BFSP2: variants seen among roughly 807,000 people sequenced by gnomAD.
BFSP2 encodes phakinin.
A neutral mutation model predicts 44.9 loss-of-function variants in BFSP2; 38 were observed. The ratio of observed to expected loss-of-function variants is 0.85; its 90% confidence interval spans 0.65 to 1.11. BFSP2 has a LOEUF of 1.11. BFSP2 is among the 50% of genes least tolerant of loss of function. BFSP2 has a pLI of 0.00. For synonymous variants in BFSP2, 197 were observed against 209.9 expected, an observed-to-expected ratio of 0.94 and a Z score of 0.53; for missense variants, 525 against 533.0, an observed-to-expected ratio of 0.99 and a Z score of 0.15.
chr3:133,416,141 C>T (rs76787466), intron 1 of BFSP2, among the ~76,000 whole-genome samples: 1,735 of 142,308 alleles, frequency 0.012, 11 homozygotes, highest in Non-Finnish European at 0.016. Flanking sequence ...CTCACCCCTG[C>T]CCTCCCCCTT....
Position 133,447,438 on chromosome 3 carries a change from C to G in BFSP2, c.572+39C>G, listed in dbSNP as rs751770691. 24 of 1,585,662 alleles carry G rather than the reference C, an allele frequency of 1.5e-5. No individual in the cohort carries two copies. In the South Asian group the frequency reaches 2.7e-4, roughly 18 times the overall value. On this transcript the variant is annotated intron_variant, in intron 2 of 6. Coordinates refer to ENST00000302334, the MANE Select transcript of BFSP2 (RefSeq NM_003571.4). ...GCAGAGGCGACAGTCCCTCCACATC[C>G]CTAGACTCCTAGGCAAGTGTGGATA...
In BFSP2 at chr3:133,400,712, A is replaced by G. The variant is rs1275742688; in HGVS notation, c.489+140A>G. The G allele has an allele frequency of 7.3e-7, 1 of 1,366,980 alleles. No individual in the cohort carries two copies. The highest frequency in any genetic ancestry group is 9.9e-7 in the Non-Finnish European group (1 of 1,006,444). 84.7% of individuals were successfully genotyped at this position (1,366,980 alleles called of 1,614,324 possible). A position where few individuals can be genotyped will look rare whatever the true frequency, so the allele number is the denominator to read the frequency against. On this transcript the variant is annotated intron_variant, in intron 1 of 6. Transcript: ENST00000302334. The surrounding 1 kb of genome is among the most constrained non-coding windows in gnomAD (Gnocchi z 4.0). ...CTTTCACACTTAAAATGGTAATGAT[A>G]ACAACAATGCTACCTTTTACCGAGG...
chr3:133,436,664 G>T (rs149461666), intron 1 of BFSP2, among the ~76,000 whole-genome samples: 8,504 of 152,250 alleles, frequency 0.056, 800 homozygotes, highest in African/African-American at 0.2. Flanking sequence ...GTGCAGGTTT[G>T]TTACATATGT....
At chr3:133,447,510 C>A in intron 2 of BFSP2, 111 bp downstream of exon 2, 2 of 1,129,388 alleles carry the variant, frequency 1.8e-6, no homozygotes, top group Non-Finnish European at 2.6e-6. Flanking sequence ...TCAGGGGAAG[C>A]TGGCAGGATA....
chr3:133,404,689 A>T (rs925456072), intron 1 of BFSP2, among the ~76,000 whole-genome samples: 1 of 152,178 alleles, frequency 6.6e-6, no homozygotes, highest in Non-Finnish European at 1.5e-5. Flanking sequence ...AGAAAGGAAA[A>T]AGCATTATAT....
Position 133,400,183 on chromosome 3 carries a change from T to A in BFSP2, c.100T>A (p.Ser34Thr). The A allele has an allele frequency of 6.2e-7, 1 of 1,614,020 alleles. No homozygotes were observed. The highest frequency in any genetic ancestry group is 8.5e-7 in the Non-Finnish European group (1 of 1,180,010). The change falls in exon 1 of 7, where the codon TCC (serine) becomes ACC (threonine). Residue 34 changes from serine to threonine, a missense_variant. Coordinates refer to ENST00000302334, the MANE Select transcript of BFSP2 (RefSeq NM_003571.4). The surrounding 1 kb of genome is among the most constrained non-coding windows in gnomAD (Gnocchi z 4.0). The part of the protein sequence containing the change: ...RASFRGPRSS[S>T]SLESPPASRT... ...GTCCTTCAGGGGGCCACGGTCATCA[T>A]CCTCCCTGGAGAGCCCCCCAGCCTC...
intron 6 of BFSP2, among the ~76,000 whole-genome samples, chr3:133,473,207 C>A (rs1180750002): frequency 6.6e-6 from 1 of 152,092 alleles, no homozygotes; most frequent in African/African-American, 2.4e-5. Context: ...ACAGACTACA[C>A]TCTGAGTAGC....
chr3:133,406,114 C>CTTT (rs1448678799), intron 1 of BFSP2, among the ~76,000 whole-genome samples: 1 of 117,742 alleles, frequency 8.5e-6, no homozygotes, highest in African/African-American at 2.8e-5. Context: ...CCATATCCAG[C>CTTT]TATTTTTTTT....
intron 1 of BFSP2, among the ~76,000 whole-genome samples, chr3:133,426,201 C>T (rs560292565): frequency 2.0e-5 from 3 of 151,822 alleles, no homozygotes; most frequent in African/African-American, 7.3e-5. Context: ...TTCAGTTGAC[C>T]GCCTGTGACC....
At chr3:133,453,206 T>C (rs907193191) in intron 4 of BFSP2, among the ~76,000 whole-genome samples, 2 of 152,244 alleles carry the variant, frequency 1.3e-5, no homozygotes. Context: ...TCAGTTGCAG[T>C]TGTGCCCTCA....
chr3:133,453,751 T>C (rs1334915786), intron 4 of BFSP2, among the ~76,000 whole-genome samples: 1 of 152,174 alleles, frequency 6.6e-6, no homozygotes, highest in Non-Finnish European at 1.5e-5. Flanking sequence ...AGGAGAGCAC[T>C]AAACTGCGAA....
At chr3:133,471,557 T>A (rs1267485946) in intron 5 of BFSP2, among the ~76,000 whole-genome samples, 1 of 152,088 alleles carries the variant, frequency 6.6e-6, no homozygotes, top group East Asian at 1.9e-4. Flanking sequence ...CAGTAAGAAG[T>A]TCAGTGGCAG....
At position 133,424,212 on chromosome 3, in the gene BFSP2, A is replaced by ATTT. The variant is rs112772093; in HGVS notation, c.490-23078_490-23076dup. The stretch of plus-strand genomic sequence containing the variant: ...AGGCGCCTACCACCGCGTCCAGCTA[A>ATTT]TTTTTTTTTTTTTTTTTTTTTTTTT... On this transcript the variant is annotated intron_variant, in intron 1 of 6. Coordinates refer to ENST00000302334, the MANE Select transcript of BFSP2 (RefSeq NM_003571.4). 7.3e-4 allele frequency among the ~76,000 whole-genome samples: 47 copies of ATTT among 64,712 alleles called. No homozygotes were observed. In the East Asian group the frequency reaches 0.041, roughly 57 times the overall value. 42.5% of individuals were successfully genotyped at this position (64,712 alleles called of 152,430 possible). A position where few individuals can be genotyped will look rare whatever the true frequency, so the allele number is the denominator to read the frequency against.
intron 1 of BFSP2, among the ~76,000 whole-genome samples, chr3:133,401,748 C>T (rs964780444): frequency 8.5e-5 from 13 of 152,188 alleles, no homozygotes; most frequent in Non-Finnish European, 1.5e-4. Flanking sequence ...GACCCTTGGC[C>T]CCCTGGAGTC....
chr3:133,469,737 T>C (rs1319813705), intron 5 of BFSP2, among the ~76,000 whole-genome samples: 1 of 152,204 alleles, frequency 6.6e-6, no homozygotes, highest in Admixed American at 6.5e-5. Flanking sequence ...AGGCATCCTC[T>C]CTTTCTGCCA....
chr3:133,419,083 A>G (rs771963757), intron 1 of BFSP2, among the ~76,000 whole-genome samples: 10 of 151,990 alleles, frequency 6.6e-5, no homozygotes, highest in South Asian at 2.1e-4. Context: ...TCCTTGGCTC[A>G]TGGAAGGGCA....
intron 1 of BFSP2, among the ~76,000 whole-genome samples, chr3:133,420,950 A>T (rs1201443752): frequency 6.6e-6 from 1 of 152,172 alleles, no homozygotes; most frequent in Non-Finnish European, 1.5e-5. Flanking sequence ...TCCTTCCCAC[A>T]AGAGAGGCCC....
intron 1 of BFSP2, among the ~76,000 whole-genome samples, chr3:133,430,550 A>G (rs1004558220): frequency 3.9e-5 from 6 of 152,188 alleles, no homozygotes; most frequent in Non-Finnish European, 7.3e-5. Context: ...CAGTAGTTCC[A>G]AATAGCCAGA....
chr3:133,401,281 G>A (rs987530665), intron 1 of BFSP2, among the ~76,000 whole-genome samples: 14 of 152,300 alleles, frequency 9.2e-5, no homozygotes, highest in African/African-American at 1.7e-4. Flanking sequence ...AGCTTTCTGC[G>A]TGATGGAAAT....
Sources: gnomAD v4.1 joint callset for allele counts (sites outside exome capture counted in the v4.1 genomes callset) on GRCh38, gnomAD v4.1.1 for gene constraint, Gnocchi (gnomAD v3.1) non-coding constraint, MANE v1.5 for transcripts, NCBI Gene and HGNC (gene_info 2026-07-23, HGNC 2026-07-21) for gene names.